RFX3: variants seen among roughly 807,000 people sequenced by gnomAD.
The protein encoded by RFX3 is regulatory factor X3.
In RFX3, 14 loss-of-function variants were observed where a neutral mutation model predicts 98.6. That is an observed-to-expected ratio of 0.14 (90% CI 0.09 to 0.22). The LOEUF (loss-of-function observed/expected upper bound fraction) is 0.22. Among genes scored for constraint, RFX3 ranks in the 10% least tolerant of loss-of-function variants. The pLI is 1.00. For missense variants in RFX3, 639 were observed against 926.9 expected (o/e 0.69, Z 4.03); for synonymous variants, 383 against 328.4 (o/e 1.17, Z -1.80).
At chr9:3,503,487 A>G (rs764913230) in intron 1 of RFX3, among the ~76,000 whole-genome samples, 14 of 152,130 alleles carry the variant, frequency 9.2e-5, no homozygotes, top group African/African-American at 1.4e-4. Flanking sequence ...ACATTTCATA[A>G]TGGATGACAG....
At chr9:3,238,989 T>C (rs1469436493) in intron 15 of RFX3, among the ~76,000 whole-genome samples, 3 of 148,016 alleles carry the variant, frequency 2.0e-5, no homozygotes, top group Non-Finnish European at 3.0e-5. Context: ...AGAGCAAAAT[T>C]CCATCTCAAA....
intron 11 of RFX3, 102 bp downstream of exon 11, chr9:3,270,269 A>G (rs1483823761): frequency 8.1e-7 from 1 of 1,235,930 alleles, no homozygotes; most frequent in Non-Finnish European, 1.1e-6. Context: ...GGCAAATCTA[A>G]ATGAAATTAG....
At position 3,293,179 on chromosome 9, in the gene RFX3, C is replaced by G; in HGVS notation, c.629G>C (p.Arg210Pro). 1 of 1,613,372 alleles carries G rather than the reference C, an allele frequency of 6.2e-7. No homozygotes were observed. Among genetic ancestry groups the G allele is most frequent in the Non-Finnish European group, 8.5e-7 (1 of 1,179,646 alleles). ...PRSTLYNHYL[R>P]HCQEHKLDPV... ...GTCCAGTTTGTGTTCCTGACAGTGT[C>G]GAAGGTAGTGGTTGTACAGAGTGCT... The change falls in exon 6 of 17, where the codon CGA (arginine) becomes CCA (proline). Residue 210 changes from arginine (R) to proline (P), a missense_variant. Around this residue, in one of 9 missense-constraint regions of RFX3, gnomAD observed 24 missense variants for 74.5 expected, o/e 0.32. Transcript: ENST00000617270.
chr9:3,427,333 A>C (rs1844168007), intron 1 of RFX3, among the ~76,000 whole-genome samples: 1 of 142,892 alleles, frequency 7.0e-6, no homozygotes, highest in South Asian at 2.1e-4. Flanking sequence ...ATATATAAAT[A>C]TATATTGTAT....
chr9:3,413,163 A>G (rs1213409200), intron 1 of RFX3, among the ~76,000 whole-genome samples: 3 of 151,944 alleles, frequency 2.0e-5, no homozygotes, highest in Admixed American at 2.0e-4. Context: ...TCCTAAGGAT[A>G]CTAGTCCCAG....
At chr9:3,281,978 G>A (rs1825970427) in intron 7 of RFX3, among the ~76,000 whole-genome samples, 1 of 151,750 alleles carries the variant, frequency 6.6e-6, no homozygotes, top group Non-Finnish European at 1.5e-5. Context: ...AAATGCACAT[G>A]CAAACACAAA....
chr9:3,278,515 T>C (rs1563848776), intron 7 of RFX3, among the ~76,000 whole-genome samples: 3 of 151,824 alleles, frequency 2.0e-5, no homozygotes, highest in Non-Finnish European at 4.4e-5. Context: ...GACCCCTACA[T>C]TGATACTAAA....
At chr9:3,255,978 T>G (rs2131095607) in intron 14 of RFX3, among the ~76,000 whole-genome samples, 1 of 152,276 alleles carries the variant, frequency 6.6e-6, no homozygotes, top group Non-Finnish European at 1.5e-5. Flanking sequence ...TCTCTTTTTT[T>G]TTTTCTGAGA....
intron 11 of RFX3, among the ~76,000 whole-genome samples, chr9:3,269,061 G>C (rs868102542): frequency 1.3e-5 from 2 of 151,960 alleles, no homozygotes; most frequent in Middle Eastern, 3.2e-3. Flanking sequence ...AATTTAGCTA[G>C]TGAAACTTTC....
chr9:3,431,960 A>C (rs1346568254), intron 1 of RFX3, among the ~76,000 whole-genome samples: 1 of 152,096 alleles, frequency 6.6e-6, no homozygotes, highest in Non-Finnish European at 1.5e-5. Flanking sequence ...CAGCAGACCA[A>C]CTCCACTATT....
intron 15 of RFX3, among the ~76,000 whole-genome samples, chr9:3,244,551 C>T (rs1251856397): frequency 6.6e-6 from 1 of 152,146 alleles, no homozygotes; most frequent in South Asian, 2.1e-4. Flanking sequence ...AAAACTTCCC[C>T]TTGGCTGTGC....
chr9:3,406,815 G>A (rs1243982053), intron 1 of RFX3, among the ~76,000 whole-genome samples: 3 of 151,768 alleles, frequency 2.0e-5, no homozygotes, highest in African/African-American at 7.3e-5. Context: ...CTATTACAAT[G>A]GAATTTTATA....
chr9:3,268,768 G>A (rs938884845), intron 11 of RFX3, among the ~76,000 whole-genome samples: 1 of 151,900 alleles, frequency 6.6e-6, no homozygotes, highest in Admixed American at 6.6e-5. Flanking sequence ...ACAGAGAACT[G>A]TTAAACTCAC....
At chr9:3,310,211 T>TA (rs1204327090) in intron 4 of RFX3, among the ~76,000 whole-genome samples, 2 of 152,284 alleles carry the variant, frequency 1.3e-5, no homozygotes, top group East Asian at 3.9e-4. Context: ...GAGTCTTTTG[T>TA]ATGATTTACA....
At chr9:3,426,927 G>A (rs1381012939) in intron 1 of RFX3, among the ~76,000 whole-genome samples, 1 of 151,964 alleles carries the variant, frequency 6.6e-6, no homozygotes, top group African/African-American at 2.4e-5. Flanking sequence ...TGTTAAAATT[G>A]TCTTCCATAA....
chr9:3,429,618 C>G (rs1317153882), intron 1 of RFX3, among the ~76,000 whole-genome samples: 1 of 152,050 alleles, frequency 6.6e-6, no homozygotes, highest in Non-Finnish European at 1.5e-5. Flanking sequence ...CTAATCTCAT[C>G]CTAACCCATT....
In RFX3 at chr9:3,223,025, A is replaced by G. The variant is rs935017949; in HGVS notation, c.*2017T>C. The G allele has an allele frequency of 1.3e-5, 2 of 152,162 alleles. No homozygotes were observed. Among genetic ancestry groups the G allele is most frequent in the Non-Finnish European group, 2.9e-5 (2 of 68,018 alleles). The allele number at this position is 152,162 out of a possible 1,614,324, so 9.4% of individuals were successfully genotyped here. A position where few individuals can be genotyped will look rare whatever the true frequency, so the allele number is the denominator to read the frequency against. ...TGTATTACCCGATAAGCCATTTGGT[A>G]TTTCTAACTTTACAGACTGGCTCAC... On this transcript the variant is annotated 3_prime_UTR_variant, in exon 17 of 17. Coordinates refer to ENST00000617270, the MANE Select transcript of RFX3 (RefSeq NM_001282116.2).
intron 4 of RFX3, among the ~76,000 whole-genome samples, chr9:3,311,347 T>A (rs766348448): frequency 6.6e-6 from 1 of 152,190 alleles, no homozygotes; most frequent in Admixed American, 6.5e-5. Context: ...TGGAGACTTA[T>A]GTTTAGAAAA....
chr9:3,247,581 G>A (rs915833366), intron 15 of RFX3: 1 of 1,234,066 alleles, frequency 8.1e-7, no homozygotes, highest in Middle Eastern at 3.4e-4. Flanking sequence ...AAAAATGTTA[G>A]TTATCATCAT....
Sources: gnomAD v4.1 joint callset for allele counts (sites outside exome capture counted in the v4.1 genomes callset) on GRCh38, gnomAD v4.1.1 for gene constraint, gnomAD v4.1.1 regional missense constraint, MANE v1.5 for transcripts, NCBI Gene and HGNC (gene_info 2026-07-23, HGNC 2026-07-21) for gene names.